PFKFB4: variants seen among roughly 807,000 people sequenced by gnomAD.
PFKFB4 encodes 6-phosphofructo-2-kinase/fructose-2,6-biphosphatase 4, also known as 6-phosphofructo-2-kinase/fructose-2,6-bisphosphatase 4.
In PFKFB4, 42 loss-of-function variants were observed where a neutral mutation model predicts 62.8. The observed-to-expected ratio is 0.67, with a 90% CI of 0.52 to 0.86. The LOEUF (loss-of-function observed/expected upper bound fraction) is 0.86. Ranked by LOEUF, PFKFB4 falls within the 40% of genes least tolerant of loss-of-function variation. The pLI is 0.00. For missense variants in PFKFB4, 475 were observed against 627.2 expected, an observed-to-expected ratio of 0.76 and a Z score of 2.59; for synonymous variants, 204 against 240.7, an observed-to-expected ratio of 0.85 and a Z score of 1.41.
intron 10 of PFKFB4, 26 bp downstream of exon 10, chr3:48,525,539 G>T: frequency 7.5e-7 from 1 of 1,334,006 alleles, no homozygotes; most frequent in Non-Finnish European, 1.1e-6. Context: ...GTAGGTGGCT[G>T]GGACTAAGCC....
At chr3:48,553,680 C>T (rs2043224269) in intron 1 of PFKFB4, among the ~76,000 whole-genome samples, 1 of 152,204 alleles carries the variant, frequency 6.6e-6, no homozygotes, top group Non-Finnish European at 1.5e-5. Context: ...CAAGGAGCAG[C>T]CACAAGTCCC....
intron 3 of PFKFB4, 76 bp downstream of exon 3, chr3:48,549,788 G>T: frequency 1.1e-6 from 1 of 897,676 alleles, no homozygotes; most frequent in Non-Finnish European, 1.9e-6. Context: ...CTCAGTAAAT[G>T]GTCAGTAATG....
intron 12 of PFKFB4, among the ~76,000 whole-genome samples, chr3:48,522,697 T>C (rs2042133989): frequency 6.6e-6 from 1 of 151,670 alleles, no homozygotes; most frequent in East Asian, 1.9e-4. Flanking sequence ...CTCATGCAGG[T>C]AGGCAATGGT....
At chr3:48,520,871 AG>A (rs1354391154) in intron 13 of PFKFB4, among the ~76,000 whole-genome samples, 1 of 152,186 alleles carries the variant, frequency 6.6e-6, no homozygotes, top group Non-Finnish European at 1.5e-5. Flanking sequence ...CTGCCAACCC[AG>A]GGGCCTCTCT....
At chr3:48,562,758 C>G (rs374682370), upstream of PFKFB4, 458 of 1,517,470 alleles carry the variant, frequency 3.0e-4, no homozygotes, top group African/African-American at 2.7e-3. This position sits in a 1 kb window ranked among gnomAD's most constrained non-coding sequence, Gnocchi z 4.3. Context: ...CCAGGGTGGC[C>G]CTATCACTGT....
chr3:48,559,594 T>C (rs2107617288), upstream of PFKFB4: 1 of 456,958 alleles, frequency 2.2e-6, no homozygotes. Flanking sequence ...CGGTAGAATC[T>C]CTGGCCCTCA....
In PFKFB4 at chr3:48,521,741, C is replaced by T. The variant is rs1037373487; in HGVS notation, c.1350+245G>A. 6.6e-6 allele frequency among the ~76,000 whole-genome samples: 1 copy of T among 152,210 alleles called. No individual in the cohort carries two copies. The highest frequency in any genetic ancestry group is 2.4e-5 in the African/African-American group (1 of 41,452). On this transcript the variant is annotated intron_variant, in intron 13 of 13. Coordinates refer to ENST00000232375, the MANE Select transcript of PFKFB4 (RefSeq NM_004567.4). The surrounding 1 kb of genome is among the most constrained non-coding windows in gnomAD (Gnocchi z 5.3). ...GGCTCCAACCACACCCAAGTTCAGG[C>T]ACTCCTGAGCCTGGTGGCCCAGAGT...
rs2042016808 is a variant in PFKFB4 at position 48,519,348 on chromosome 3, C to T, written c.*399G>A. 1 of 169,282 alleles carries T rather than the reference C, an allele frequency of 5.9e-6. No homozygotes were observed. Among genetic ancestry groups the T allele is most frequent in the African/African-American group, 2.4e-5 (1 of 42,138 alleles). The allele number at this position is 169,282 out of a possible 1,614,324, so 10.5% of individuals were successfully genotyped here. ...GAGGCCCTGTGGAGAGTCACCAGGT[C>T]CATGCTGGGCAGCTGGGCCACAGTA... On this transcript the variant is annotated 3_prime_UTR_variant, in exon 14 of 14. Coordinates refer to ENST00000232375, the MANE Select transcript of PFKFB4 (RefSeq NM_004567.4).
At chr3:48,551,406 G>A (rs2043146325) in intron 1 of PFKFB4, among the ~76,000 whole-genome samples, 2 of 150,884 alleles carry the variant, frequency 1.3e-5, no homozygotes. Flanking sequence ...AGTAGAGACG[G>A]GGTTTCGGCA....
chr3:48,547,398 T>C (rs572168598), intron 3 of PFKFB4, among the ~76,000 whole-genome samples: 7 of 152,206 alleles, frequency 4.6e-5, no homozygotes, highest in Non-Finnish European at 8.8e-5. Context: ...TGTGTGTGCA[T>C]AGGGGGCTTG....
At chr3:48,530,178 G>A (rs1309402150) in intron 9 of PFKFB4, among the ~76,000 whole-genome samples, 3 of 151,870 alleles carry the variant, frequency 2.0e-5, no homozygotes, top group Admixed American at 6.6e-5. Context: ...ACTTAAACCC[G>A]GGAGGTAGAG....
At chr3:48,520,697 T>A (rs2042071234) in intron 13 of PFKFB4, among the ~76,000 whole-genome samples, 1 of 152,162 alleles carries the variant, frequency 6.6e-6, no homozygotes, top group Non-Finnish European at 1.5e-5. Context: ...CCCCAATGGA[T>A]GGGCCAGAAG....
chr3:48,539,364 T>C, intron 5 of PFKFB4, 54 bp from the exon 6 acceptor site: 1 of 1,479,302 alleles, frequency 6.8e-7, no homozygotes, highest in Non-Finnish European at 9.4e-7. Context: ...ACGGACATGT[T>C]CAGGGCCTCC....
chr3:48,538,156 G>A (rs2042684037), intron 7 of PFKFB4, among the ~76,000 whole-genome samples: 1 of 152,190 alleles, frequency 6.6e-6, no homozygotes, highest in Non-Finnish European at 1.5e-5. Context: ...CTGCAACAGA[G>A]ACTGTACATC....
chr3:48,534,942 G>A (rs893917842), intron 9 of PFKFB4, among the ~76,000 whole-genome samples: 2 of 151,914 alleles, frequency 1.3e-5, no homozygotes, highest in African/African-American at 4.8e-5. Context: ...CCGAGTACGT[G>A]GGATTACAGG....
At chr3:48,533,661 C>A (rs2042499984) in intron 9 of PFKFB4, among the ~76,000 whole-genome samples, 1 of 152,162 alleles carries the variant, frequency 6.6e-6, no homozygotes, top group Non-Finnish European at 1.5e-5. Context: ...TCAAGACCAG[C>A]CTGGCCAACG....
At chr3:48,532,310 AAAATAAATAAAT>A (rs549437504) in intron 9 of PFKFB4, among the ~76,000 whole-genome samples, 2 of 152,130 alleles carry the variant, frequency 1.3e-5, no homozygotes, top group Non-Finnish European at 2.9e-5. Flanking sequence ...ATTCCGTTTC[AAAATAAATAAAT>A]AAATAAATAA....
upstream of PFKFB4, among the ~76,000 whole-genome samples, chr3:48,558,039 ATCTT>A (rs1339908768): frequency 3.3e-5 from 5 of 152,150 alleles, no homozygotes; most frequent in Admixed American, 6.5e-5. Context: ...CACATTGTCT[ATCTT>A]ACAGTATTAC....
rs768808483 is a variant in PFKFB4, at chr3:48,536,379, T to C, written c.717A>G (p.Val239=). ...TCACGTGGATGTTCATGAGGTAATA[T>C]ACGATGCGGCTCTGGATGTGGTCAG... ...RVADHIQSRI[V]YYLMNIHVTP... is the part of the protein sequence containing the mutation. Residue 239 remains valine (V), a synonymous_variant, in exon 8 of 14, where the codon GTA becomes GTG. Coordinates refer to ENST00000232375, the MANE Select transcript of PFKFB4 (RefSeq NM_004567.4). 2 of 1,614,026 alleles carry C rather than the reference T, an allele frequency of 1.2e-6. No homozygotes were observed. Among genetic ancestry groups the C allele is most frequent in the Non-Finnish European group, 1.7e-6 (2 of 1,180,022 alleles).
Sources: gnomAD v4.1 joint callset for allele counts (sites outside exome capture counted in the v4.1 genomes callset) on GRCh38, gnomAD v4.1.1 for gene constraint, Gnocchi (gnomAD v3.1) non-coding constraint, MANE v1.5 for transcripts, NCBI Gene and HGNC (gene_info 2026-07-23, HGNC 2026-07-21) for gene names.